PHGDH: variants seen among roughly 807,000 people sequenced by gnomAD.
PHGDH encodes the protein D-3-phosphoglycerate dehydrogenase.
PHGDH carries 50 observed loss-of-function variants against 52.6 expected under a neutral mutation model. That is an observed-to-expected ratio of 0.95 (90% CI 0.76 to 1.20). The LOEUF is 1.20. Ranked by LOEUF, PHGDH falls within the 50% of genes most tolerant of loss-of-function variation. The pLI, the probability that PHGDH is intolerant of heterozygous loss-of-function variation, is 0.00. For synonymous variants in PHGDH, 271 were observed against 280.5 expected (o/e 0.97, Z 0.34); for missense variants, 630 against 684.6 (o/e 0.92, Z 0.89).
intron 2 of PHGDH, among the ~76,000 whole-genome samples, 179 bp from the exon 3 acceptor site, chr1:119,723,197 G>A (rs1359743542): frequency 1.3e-5 from 2 of 152,122 alleles, no homozygotes; most frequent in Non-Finnish European, 2.9e-5. Flanking sequence ...AGGGGAAGGG[G>A]GTTTCTTTCC....
intron 8 of PHGDH, 163 bp from the exon 9 acceptor site, chr1:119,740,223 G>C: frequency 1.5e-6 from 1 of 671,532 alleles, no homozygotes; most frequent in Non-Finnish European, 2.7e-6. Context: ...ACAAGTCCTT[G>C]TCCTGTTGTT....
intron 5 of PHGDH, among the ~76,000 whole-genome samples, chr1:119,730,516 T>A (rs1353381745): frequency 2.0e-5 from 3 of 152,220 alleles, no homozygotes; most frequent in African/African-American, 7.2e-5. Flanking sequence ...TACAGTTCCA[T>A]GCCTGTGGAT....
At chr1:119,722,997 A>G (rs1651241412) in intron 2 of PHGDH, among the ~76,000 whole-genome samples, 1 of 152,020 alleles carries the variant, frequency 6.6e-6, no homozygotes, top group Non-Finnish European at 1.5e-5. Context: ...GGTAAGATCA[A>G]TGGTAGGAGC....
At chr1:119,718,613 C>T (rs587615403) in intron 1 of PHGDH, among the ~76,000 whole-genome samples, 105 of 152,288 alleles carry the variant, frequency 6.9e-4, no homozygotes, top group African/African-American at 2.4e-3. Flanking sequence ...TGACCTTGGG[C>T]AGGTTACCTC....
chr1:119,740,552 A>G, intron 9 of PHGDH, 34 bp downstream of exon 9: 1 of 1,522,174 alleles, frequency 6.6e-7, no homozygotes, highest in East Asian at 2.4e-5. Context: ...GAGGGGGAGG[A>G]GGGGATGAGG....
At chr1:119,721,123 G>A (rs773555676) in intron 1 of PHGDH, 47 bp from the exon 2 acceptor site, 1 of 1,595,548 alleles carries the variant, frequency 6.3e-7, no homozygotes, top group Admixed American at 1.7e-5. Flanking sequence ...GGCTTTACGA[G>A]TTCTCACAGA....
At position 119,712,062 on chromosome 1, in the gene PHGDH, A is replaced by G. The variant is rs1448633854; in HGVS notation, c.40A>G (p.Ser14Gly). The change falls in exon 1 of 12, where the codon AGC becomes GGC. Residue 14 changes from serine (S) to glycine (G), a missense_variant. By Grantham distance (56) the Ser-to-Gly change is moderately conservative. Coordinates refer to ENST00000641023, the MANE Select transcript of PHGDH (RefSeq NM_006623.4). ...TCTGCGGAAAGTGCTCATCAGTGAC[A>G]GCCTGGACCCTTGCTGCCGGAAGAT... ...ANLRKVLISD[S>G]LDPCCRKILQ... is the part of the protein sequence containing the mutation. The G allele has an allele frequency of 6.2e-7, 1 of 1,614,230 alleles. No homozygotes were observed. Among genetic ancestry groups the G allele is most frequent in the Non-Finnish European group, 8.5e-7 (1 of 1,180,022 alleles).
chr1:119,727,304 G>A (rs764761577), intron 5 of PHGDH: 19 of 610,556 alleles, frequency 3.1e-5, no homozygotes, highest in Non-Finnish European at 5.3e-5. Context: ...ATACTTGGTG[G>A]GGGTCCTTTA....
At chr1:119,738,078 T>C (rs1265926733) in intron 8 of PHGDH, among the ~76,000 whole-genome samples, 9 of 149,502 alleles carry the variant, frequency 6.0e-5, no homozygotes, top group Admixed American at 2.0e-4. Flanking sequence ...TTTTTTTTTT[T>C]CCCTAATCTT....
chr1:119,726,605 C>A (rs1036278726), intron 3 of PHGDH: 4 of 587,992 alleles, frequency 6.8e-6, no homozygotes, highest in African/African-American at 1.9e-5. Flanking sequence ...AGGTGGAATC[C>A]ATACCTCCTC....
chr1:119,741,963 C>T, intron 10 of PHGDH, 66 bp downstream of exon 10: 1 of 1,405,074 alleles, frequency 7.1e-7, no homozygotes, highest in Admixed American at 1.7e-5. Flanking sequence ...CCCACATTTC[C>T]AGAGCCCGTT....
At chr1:119,722,891 G>T (rs587754723) in intron 2 of PHGDH, among the ~76,000 whole-genome samples, 2 of 133,084 alleles carry the variant, frequency 1.5e-5, no homozygotes, top group Non-Finnish European at 3.2e-5. Flanking sequence ...ACAGAGCGAG[G>T]CCTTGTCAAA....
At chr1:119,737,043 T>C in intron 7 of PHGDH, 71 bp from the exon 8 acceptor site, 2 of 1,511,946 alleles carry the variant, frequency 1.3e-6, no homozygotes, top group South Asian at 2.3e-5. Context: ...AACTTTCCTG[T>C]TGCCTGGGGT....
intron 8 of PHGDH, among the ~76,000 whole-genome samples, chr1:119,738,344 C>G (rs192307489): frequency 4.3e-4 from 66 of 152,338 alleles, no homozygotes; most frequent in African/African-American, 1.4e-3. Flanking sequence ...CTCTCTGCCC[C>G]CTCCATCCTG....
chr1:119,718,086 G>T (rs890800997), intron 1 of PHGDH, among the ~76,000 whole-genome samples: 4 of 152,198 alleles, frequency 2.6e-5, no homozygotes, highest in African/African-American at 9.7e-5. Context: ...CCCCCAGTAG[G>T]CAGGCTGGCT....
At position 119,723,263 on chromosome 1, in the gene PHGDH, G is replaced by T; in HGVS notation, c.291-113G>T. ...AGAACTCTGGACAGTGGCGTGGTCAGTTCATGGAGCAGGAGTGAGAGAACA... is the reference window on the plus strand; with the variant it reads ...AGAACTCTGGACAGTGGCGTGGTCATTTCATGGAGCAGGAGTGAGAGAACA... On this transcript the variant is annotated intron_variant, in intron 2 of 11. Transcript: ENST00000641023. The T allele has an allele frequency of 3.4e-6, 3 of 873,406 alleles. No homozygotes were observed. In the Admixed American group the frequency reaches 5.2e-5, roughly 15 times the overall value. The allele number at this position is 873,406 out of a possible 1,614,324, so 54.1% of individuals were successfully genotyped here. A position where few individuals can be genotyped will look rare whatever the true frequency, so the allele number is the denominator to read the frequency against.
Position 119,742,825 on chromosome 1 carries a change from C to A in PHGDH, c.1228C>A (p.Pro410Thr). 1 of 1,611,164 alleles carries A rather than the reference C, an allele frequency of 6.2e-7. No homozygotes were observed. The highest frequency in any genetic ancestry group is 2.2e-5 in the East Asian group (1 of 44,768). ...AGLNVTTSHS[P>T]AAPGEQGFGE... ...CACACAGGTCACCACCTCCCACAGC[C>A]CTGCTGCACCAGGGGAGCAAGGCTT... is the stretch of plus-strand genomic sequence containing the variant. The change falls in exon 11 of 12, where the codon CCT (proline) becomes ACT (threonine). Residue 410 changes from proline (P) to threonine (T), a missense_variant. Coordinates refer to ENST00000641023, the MANE Select transcript of PHGDH (RefSeq NM_006623.4).
At chr1:119,727,937 G>T (rs1227426968) in intron 5 of PHGDH, among the ~76,000 whole-genome samples, 1 of 152,210 alleles carries the variant, frequency 6.6e-6, no homozygotes, top group Non-Finnish European at 1.5e-5. Context: ...GAGGTGGGAA[G>T]AGCTGTTACT....
intron 2 of PHGDH, among the ~76,000 whole-genome samples, chr1:119,722,278 A>T (rs954392471): frequency 6.6e-6 from 1 of 152,130 alleles, no homozygotes; most frequent in Non-Finnish European, 1.5e-5. Flanking sequence ...AGACTCTGAG[A>T]GTCCGTTTAT....
Sources: gnomAD v4.1 joint callset for allele counts (sites outside exome capture counted in the v4.1 genomes callset) on GRCh38, gnomAD v4.1.1 for gene constraint, MANE v1.5 for transcripts, NCBI Gene and HGNC (gene_info 2026-07-23, HGNC 2026-07-21) for gene names.